L3MBTL4: variants seen among roughly 807,000 people sequenced by gnomAD.
The protein encoded by L3MBTL4 is L3MBTL histone methyl-lysine binding protein 4.
L3MBTL4 carries 70 observed loss-of-function variants against 84.5 expected under a neutral mutation model. The ratio of observed to expected loss-of-function variants is 0.83; its 90% CI spans 0.68 to 1.01. The LOEUF (loss-of-function observed/expected upper bound fraction) is 1.01, where lower values mean the gene tolerates loss of function less well. Ranked by LOEUF, L3MBTL4 falls within the 50% of genes least tolerant of loss-of-function variation. L3MBTL4 has a pLI of 0.00. For missense variants in L3MBTL4, 715 were observed against 754.8 expected (o/e 0.95, Z 0.62); for synonymous variants, 274 against 259.8 (o/e 1.05, Z -0.52).
chr18:6,237,937 C>T (rs1268185132), intron 10 of L3MBTL4, 27 bp downstream of exon 10: 1 of 1,598,112 alleles, frequency 6.3e-7, no homozygotes, highest in Admixed American at 1.7e-5. Flanking sequence ...GAGATGACTT[C>T]AAAGAAAACC....
intron 16 of L3MBTL4, among the ~76,000 whole-genome samples, chr18:6,039,822 T>G (rs1418450104): frequency 1.3e-5 from 2 of 152,196 alleles, no homozygotes; most frequent in African/African-American, 4.8e-5. Context: ...GAACTAGAAT[T>G]AATAGTTGAT....
Position 5,956,166 on chromosome 18 carries a change from T to G in L3MBTL4, c.*54A>C. 4 of 1,480,162 alleles carry G rather than the reference T, an allele frequency of 2.7e-6. No homozygotes were observed. The highest frequency in any genetic ancestry group is 3.7e-6 in the Non-Finnish European group (4 of 1,073,862). The allele number at this position is 1,480,162 out of a possible 1,614,324, so 91.7% of individuals were successfully genotyped here. On this transcript the variant is annotated 3_prime_UTR_variant, in exon 19 of 19. Transcript: ENST00000317931. ...TCACATCAAATTAATGTGCTCCACT[T>G]TTATTGCTGAAAGAGCGCAGGTCTT... is the stretch of plus-strand genomic sequence containing the variant.
At chr18:6,100,979 C>G (rs921991999) in intron 14 of L3MBTL4, among the ~76,000 whole-genome samples, 2 of 152,208 alleles carry the variant, frequency 1.3e-5, no homozygotes, top group Non-Finnish European at 2.9e-5. Context: ...TCCCACTCAG[C>G]CTTTGCCTTT....
At chr18:5,962,346 T>C (rs899903212) in intron 17 of L3MBTL4, among the ~76,000 whole-genome samples, 6 of 152,012 alleles carry the variant, frequency 3.9e-5, no homozygotes, top group Non-Finnish European at 8.8e-5. Context: ...ATTCTAGGCA[T>C]AGAGAATCCC....
chr18:6,210,659 A>G (rs929707899), intron 12 of L3MBTL4, among the ~76,000 whole-genome samples: 4 of 152,184 alleles, frequency 2.6e-5, no homozygotes, highest in African/African-American at 9.7e-5. Context: ...AAGTGCCATG[A>G]CCACCATAGG....
At chr18:6,291,376 C>T (rs1209115656) in intron 4 of L3MBTL4, among the ~76,000 whole-genome samples, 3 of 152,212 alleles carry the variant, frequency 2.0e-5, no homozygotes, top group East Asian at 1.9e-4. Flanking sequence ...CCACAAAAGA[C>T]CCCAAACAGC....
intron 1 of L3MBTL4, among the ~76,000 whole-genome samples, chr18:6,331,625 A>C (rs1362430776): frequency 2.0e-5 from 3 of 152,206 alleles, no homozygotes; most frequent in Admixed American, 2.0e-4. Flanking sequence ...AGGAACTTAA[A>C]ATCAAGTATG....
At chr18:6,367,878 C>A (rs899610777) in intron 1 of L3MBTL4, among the ~76,000 whole-genome samples, 2 of 152,134 alleles carry the variant, frequency 1.3e-5, no homozygotes, top group East Asian at 1.9e-4. Context: ...TCACTTCAAC[C>A]CCAAGGAGAT....
intron 1 of L3MBTL4, among the ~76,000 whole-genome samples, chr18:6,393,869 G>A (rs375159489): frequency 6.6e-6 from 1 of 152,010 alleles, no homozygotes; most frequent in African/African-American, 2.4e-5. Context: ...AGGGCACCCC[G>A]TCACTATGAA....
At chr18:6,045,535 T>A (rs546706353) in intron 16 of L3MBTL4, among the ~76,000 whole-genome samples, 3 of 152,132 alleles carry the variant, frequency 2.0e-5, no homozygotes, top group Non-Finnish European at 4.4e-5. Flanking sequence ...TCACATCTTA[T>A]GTGGATGGCA....
intron 1 of L3MBTL4, among the ~76,000 whole-genome samples, chr18:6,314,098 A>T (rs2050972404): frequency 6.6e-6 from 1 of 152,206 alleles, no homozygotes; most frequent in South Asian, 2.1e-4. Flanking sequence ...TAACACACAG[A>T]AAAACAGACT....
intron 4 of L3MBTL4, among the ~76,000 whole-genome samples, chr18:6,299,534 G>A (rs1431594260): frequency 2.0e-5 from 3 of 152,184 alleles, no homozygotes; most frequent in Non-Finnish European, 1.5e-5. Context: ...GCCTCTTAAA[G>A]CTTCATCAGC....
chr18:5,974,666 T>G (rs1266110020), intron 16 of L3MBTL4, among the ~76,000 whole-genome samples: 1 of 152,040 alleles, frequency 6.6e-6, no homozygotes, highest in Admixed American at 6.5e-5. Flanking sequence ...TTCCACAGAT[T>G]AAAAAGAAAA....
chr18:6,262,245 AG>A (rs2048438514), intron 5 of L3MBTL4, among the ~76,000 whole-genome samples: 1 of 152,150 alleles, frequency 6.6e-6, no homozygotes, highest in Non-Finnish European at 1.5e-5. Context: ...CAGCGGGGAA[AG>A]GGCAAGGTGA....
chr18:6,036,355 T>C (rs1017777429), intron 16 of L3MBTL4, among the ~76,000 whole-genome samples: 1 of 151,930 alleles, frequency 6.6e-6, no homozygotes, highest in African/African-American at 2.4e-5. Flanking sequence ...TAACTTCAAG[T>C]TTGCTGATTC....
intron 4 of L3MBTL4, among the ~76,000 whole-genome samples, chr18:6,288,143 A>T (rs1287024764): frequency 6.6e-6 from 1 of 152,224 alleles, no homozygotes; most frequent in Non-Finnish European, 1.5e-5. Context: ...GTGAGTGTAC[A>T]TGTTTTATAA....
chr18:6,082,963 A>T (rs2058129362), intron 15 of L3MBTL4, among the ~76,000 whole-genome samples: 1 of 151,904 alleles, frequency 6.6e-6, no homozygotes, highest in South Asian at 2.1e-4. Flanking sequence ...TCTCACAAAA[A>T]CTCTACAAGG....
At chr18:6,198,400 T>A (rs1414403245) in intron 12 of L3MBTL4, among the ~76,000 whole-genome samples, 3 of 152,224 alleles carry the variant, frequency 2.0e-5, no homozygotes, top group African/African-American at 7.2e-5. Context: ...CTCAATATAC[T>A]TCATTTATCC....
At chr18:6,083,931 G>T (rs957192528) in intron 15 of L3MBTL4, among the ~76,000 whole-genome samples, 1 of 152,098 alleles carries the variant, frequency 6.6e-6, no homozygotes, top group Admixed American at 6.6e-5. Context: ...GGAAGAAAGG[G>T]CCTGCATCCT....
Sources: allele counts gnomAD v4.1 joint callset (sites outside exome capture counted in the v4.1 genomes callset), GRCh38; gene constraint gnomAD v4.1.1; transcripts MANE v1.5; gene names NCBI Gene and HGNC (gene_info 2026-07-23, HGNC 2026-07-21).